CRYBA2: variants seen among roughly 807,000 people sequenced by gnomAD.
CRYBA2 encodes crystallin beta A2, also known as beta-crystallin A2.
A neutral mutation model predicts 18.5 loss-of-function variants in CRYBA2; 17 were observed. The observed-to-expected ratio is 0.92, with a 90% CI of 0.63 to 1.38. The LOEUF is 1.38. Ranked by LOEUF, CRYBA2 falls within the 40% of genes most tolerant of loss-of-function variation. The pLI is 0.00. For missense variants in CRYBA2, 271 were observed against 265.0 expected (o/e 1.02, Z -0.16); for synonymous variants, 101 against 106.2 (o/e 0.95, Z 0.30).
intron 1 of CRYBA2, among the ~76,000 whole-genome samples, chr2:218,992,549 G>C (rs1314241034): frequency 6.6e-6 from 1 of 152,144 alleles, no homozygotes; most frequent in African/African-American, 2.4e-5. Flanking sequence ...GCCTTTGCAT[G>C]GGGACACATT....
chr2:218,993,125 C>A lies in CRYBA2; in HGVS notation c.52G>T (p.Asp18Tyr), dbSNP rs748068790. Residue 18 changes from aspartate (D) to tyrosine (Y), a missense_variant, in exon 1 of 4, where the codon GAC (aspartate) becomes TAC (tyrosine). Physicochemically the swap from Asp to Tyr is radical, Grantham distance 160. Coordinates refer to ENST00000295728, the MANE Select transcript of CRYBA2 (RefSeq NM_057093.2). This position sits in a 1 kb window ranked among gnomAD's most constrained non-coding sequence, Gnocchi z 7.7. ...GPAPASLTLW[D>Y]EEDFQGRRCR... ...CGACGGCCCTGGAAGTCCTCCTCGT[C>A]CCAGAGCGTGAGGCTGGCGGGCGCC... 1.9e-6 allele frequency: 3 copies of A among 1,611,392 alleles called. No homozygotes were observed. The African/African-American group carries it at 4.0e-5, about 22-fold the overall frequency.
At position 218,993,239 on chromosome 2, in the gene CRYBA2, A is replaced by C; in HGVS notation, c.-63T>G. 6.7e-7 allele frequency: 1 copy of C among 1,492,498 alleles called. No homozygotes were observed. Among genetic ancestry groups the C allele is most frequent in the Non-Finnish European group, 9.0e-7 (1 of 1,110,556 alleles). 92.5% of individuals were successfully genotyped at this position (1,492,498 alleles called of 1,614,324 possible). A position where few individuals can be genotyped will look rare whatever the true frequency, so the allele number is the denominator to read the frequency against. ...CGTCTCAAGAGCCCCGTTTCGAGCC[A>C]CACACAGCCTGCCCAACCTGGGTAG... On this transcript the variant is annotated 5_prime_UTR_variant, in exon 1 of 4. Coordinates refer to ENST00000295728, the MANE Select transcript of CRYBA2 (RefSeq NM_057093.2). The surrounding 1 kb of genome is among the most constrained non-coding windows in gnomAD (Gnocchi z 7.7).
chr2:218,991,830 G>A, intron 2 of CRYBA2: 1 of 451,466 alleles, frequency 2.2e-6, no homozygotes, highest in Non-Finnish European at 3.9e-6. Flanking sequence ...ACTCACACGT[G>A]TGGACGATGG....
chr2:218,993,052 A>G lies in CRYBA2; in HGVS notation c.125T>C (p.Leu42Pro). Reference protein sequence around the residue: ...DCANVCERGGLPRVRSVKVEN... With the variant: ...DCANVCERGGPPRVRSVKVEN... ...CACCTTGACCGAGCGCACCCTGGGC[A>G]GGCCTCCGCGCTCGCAGACGTTCGC... Residue 42 changes from leucine (L) to proline (P), a missense_variant, in exon 1 of 4, where the codon CTG (leucine) becomes CCG (proline). Leu to Pro is a moderately conservative substitution (Grantham distance 98). Coordinates refer to ENST00000295728, the MANE Select transcript of CRYBA2 (RefSeq NM_057093.2). The surrounding 1 kb of genome is among the most constrained non-coding windows in gnomAD (Gnocchi z 7.7). 1.2e-6 allele frequency: 2 copies of G among 1,610,102 alleles called. No homozygotes were observed. The highest frequency in any genetic ancestry group is 2.7e-5 in the African/African-American group (2 of 74,934).
chr2:218,992,075 A>C lies in CRYBA2; in HGVS notation c.303+27T>G, dbSNP rs759526410. ...AGGCCAGGGCCTGGAGCTAGGAGGCAGGGGAGGAGAAGTGGGCTGTGCTCA... is the reference window on the plus strand; with the variant it reads ...AGGCCAGGGCCTGGAGCTAGGAGGCCGGGGAGGAGAAGTGGGCTGTGCTCA... On this transcript the variant is annotated intron_variant, in intron 2 of 3. Coordinates refer to ENST00000295728, the MANE Select transcript of CRYBA2 (RefSeq NM_057093.2). 1.2e-5 allele frequency: 19 copies of C among 1,597,634 alleles called. No homozygotes were observed. The African/African-American group carries it at 2.0e-4, about 17-fold the overall frequency.
In CRYBA2 at chr2:218,991,975, T is replaced by C. The variant is rs75770608; in HGVS notation, c.303+127A>G. On this transcript the variant is annotated intron_variant, in intron 2 of 3. Transcript: ENST00000295728. ...CCCTTCTGATTCTGAGAAATAATGC[T>C]ACTACCACCCATCTCGGAGTTTGTT... The C allele has an allele frequency of 9.9e-3, 7,481 of 758,540 alleles. 379 individuals are homozygous for C. The African/African-American group carries it at 0.11, about 11-fold the overall frequency. The allele number at this position is 758,540 out of a possible 1,614,324, so 47.0% of individuals were successfully genotyped here.
chr2:218,990,474 C>T (rs1020819648), intron 3 of CRYBA2, 75 bp from the exon 4 acceptor site: 1 of 1,551,926 alleles, frequency 6.4e-7, no homozygotes, highest in African/African-American at 1.4e-5. Context: ...ACCAGCAGCC[C>T]CCCTTTTGTA....
chr2:218,990,786 C>T (rs1434432090), intron 3 of CRYBA2, 66 bp downstream of exon 3: 19 of 1,577,396 alleles, frequency 1.2e-5, no homozygotes, highest in Non-Finnish European at 1.6e-5. Context: ...CTTTTCTCCA[C>T]CCTCTTCCTT....
At chr2:218,990,535 T>G (rs2106017233) in intron 3 of CRYBA2, 136 bp from the exon 4 acceptor site, 1 of 1,131,746 alleles carries the variant, frequency 8.8e-7, no homozygotes, top group African/African-American at 1.6e-5. Context: ...CCTCCGTGGC[T>G]CTCTCCCTCC....
chr2:218,991,118 G>A (rs1945493022), intron 2 of CRYBA2, 124 bp from the exon 3 acceptor site: 2 of 1,445,250 alleles, frequency 1.4e-6, no homozygotes, highest in African/African-American at 1.4e-5. Context: ...GGACCCACAG[G>A]CACTCCCAGA....
chr2:218,991,075 C>A (rs1469496329), intron 2 of CRYBA2, 81 bp from the exon 3 acceptor site: 2 of 1,563,462 alleles, frequency 1.3e-6, no homozygotes, highest in Non-Finnish European at 1.7e-6. Context: ...ACTTCCCCCA[C>A]CCACTGCACC....
At position 218,992,105 on chromosome 2, in the gene CRYBA2, G is replaced by C. The variant is rs112876753; in HGVS notation, c.300C>G (p.Cys100Trp). The change falls in exon 2 of 4, where the codon TGC becomes TGG. Residue 100 changes from cysteine to tryptophan, a missense_variant. Cys to Trp is a radical substitution (Grantham distance 215, BLOSUM62 -2). Coordinates refer to ENST00000295728, the MANE Select transcript of CRYBA2 (RefSeq NM_057093.2). ...AGGAGAAGTGGGCTGTGCTCACCGC[G>C]CAGAGCACTGGCCGGAAGGACAGCA... ...NQLLSFRPVL[C>W]ANHNDSRVTL... 2 of 1,612,186 alleles carry C rather than the reference G, an allele frequency of 1.2e-6. No individual in the cohort carries two copies. Among genetic ancestry groups the C allele is most frequent in the Non-Finnish European group, 1.7e-6 (2 of 1,179,244 alleles).
In CRYBA2 at chr2:218,991,886, C is replaced by T. The variant is rs146596786; in HGVS notation, c.303+216G>A. The T allele has an allele frequency of 7.2e-5, 41 of 565,584 alleles. No individual in the cohort carries two copies. The East Asian group carries it at 1.3e-3, about 18-fold the overall frequency. The allele number at this position is 565,584 out of a possible 1,614,324, so 35.0% of individuals were successfully genotyped here. Reference sequence around the variant, plus strand: ...ACTCAGGACTGGGATGGCCTCAGCGCTGTCCGTGGTGATGATTTCTGGGCT... The same window carrying T: ...ACTCAGGACTGGGATGGCCTCAGCGTTGTCCGTGGTGATGATTTCTGGGCT... On this transcript the variant is annotated intron_variant, in intron 2 of 3. Transcript: ENST00000295728.
chr2:218,990,507 A>G, intron 3 of CRYBA2, 108 bp from the exon 4 acceptor site: 1 of 1,374,702 alleles, frequency 7.3e-7, no homozygotes, highest in Non-Finnish European at 9.9e-7. Context: ...CAGTTCCAAA[A>G]TCATTGCTTC....
Position 218,992,283 on chromosome 2 carries a change from G to A in CRYBA2, c.162-40C>T, listed in dbSNP as rs201716617. The A allele has an allele frequency of 8.3e-4, 1,334 of 1,598,312 alleles. 12 individuals are homozygous for A. The African/African-American group carries it at 0.016, about 19-fold the overall frequency. ...GAGCTGGGAGGTATCTGCCCCAGCC[G>A]CACCCTCTCTGCCCTCCCCCTTGCC... On this transcript the variant is annotated intron_variant, in intron 1 of 3. Transcript: ENST00000295728.
intron 1 of CRYBA2, among the ~76,000 whole-genome samples, chr2:218,992,803 G>T (rs1293766969): frequency 6.6e-6 from 1 of 152,190 alleles, no homozygotes; most frequent in Non-Finnish European, 1.5e-5. Flanking sequence ...TCAAGGGGTC[G>T]CTTCTCGCCT....
intron 2 of CRYBA2, 178 bp downstream of exon 2, chr2:218,991,922 GCC>G (rs1391791668): frequency 1.6e-6 from 1 of 615,788 alleles, no homozygotes; most frequent in Non-Finnish European, 2.7e-6. Flanking sequence ...CCGGGCCTAC[GCC>G]CACAATCCCA....
chr2:218,990,434 C>T (rs1346518527), intron 3 of CRYBA2, 35 bp from the exon 4 acceptor site: 2 of 1,611,062 alleles, frequency 1.2e-6, no homozygotes, highest in Non-Finnish European at 1.7e-6. Flanking sequence ...AGGGAGTAAG[C>T]TCTGCCCCCA....
chr2:218,990,492 AC>A, intron 3 of CRYBA2, 93 bp from the exon 4 acceptor site: 1 of 1,425,964 alleles, frequency 7.0e-7, no homozygotes, highest in Non-Finnish European at 9.4e-7. Flanking sequence ...GTAGCTCCCA[AC>A]CCCCAGTTCC....
Sources: gnomAD v4.1 joint callset for allele counts (sites outside exome capture counted in the v4.1 genomes callset) on GRCh38, gnomAD v4.1.1 for gene constraint, Gnocchi (gnomAD v3.1) non-coding constraint, MANE v1.5 for transcripts, NCBI Gene and HGNC (gene_info 2026-07-23, HGNC 2026-07-21) for gene names.